Variants in RPS6KC1 observed in about 807,000 individuals in gnomAD.
The protein encoded by RPS6KC1 is ribosomal protein S6 kinase C1, also known as inactive ribosomal protein S6 kinase delta-1.
RPS6KC1 carries 54 observed loss-of-function variants against 103.8 expected under a neutral mutation model. The observed-to-expected ratio is 0.52, with a 90% confidence interval of 0.42 to 0.65. RPS6KC1 has a LOEUF of 0.65. Among genes scored for constraint, RPS6KC1 ranks in the 30% least tolerant of loss-of-function variants. The pLI is 0.00. For synonymous variants in RPS6KC1, 439 were observed against 438.7 expected (o/e 1.00, Z -0.01); for missense variants, 1,151 against 1,253.8 (o/e 0.92, Z 1.24).
the RPS6KC1 span, among the ~76,000 whole-genome samples, chr1:213,611,828 T>C: frequency 6.6e-6 from 1 of 152,104 alleles, no homozygotes; most frequent in Non-Finnish European, 1.5e-5. Flanking sequence ...ACTGAAATGG[T>C]GAAATGTTAT....
chr1:213,837,487 C>T, the RPS6KC1 span, among the ~76,000 whole-genome samples: 1 of 152,194 alleles, frequency 6.6e-6, no homozygotes, highest in Admixed American at 6.5e-5. Flanking sequence ...CAGAAGTCCC[C>T]ACTCATTCAT....
At chr1:213,539,938 TAAAA>T in the RPS6KC1 span, among the ~76,000 whole-genome samples, 1 of 152,156 alleles carries the variant, frequency 6.6e-6, no homozygotes, top group African/African-American at 2.4e-5. Context: ...ATATTTTGTC[TAAAA>T]AAAGATGTAC....
the RPS6KC1 span, among the ~76,000 whole-genome samples, chr1:213,307,694 A>G: frequency 6.6e-5 from 10 of 152,268 alleles, no homozygotes; most frequent in South Asian, 4.1e-4. Context: ...TGATACAAAG[A>G]TCAGCGGGGT....
At chr1:213,754,508 T>G in the RPS6KC1 span, among the ~76,000 whole-genome samples, 2 of 152,172 alleles carry the variant, frequency 1.3e-5, no homozygotes, top group Non-Finnish European at 1.5e-5. Context: ...TGTGTTCTTT[T>G]GATAGTGAGT....
intron 6 of RPS6KC1, among the ~76,000 whole-genome samples, chr1:213,154,115 A>G (rs950951094): frequency 6.6e-6 from 1 of 150,814 alleles, no homozygotes; most frequent in Non-Finnish European, 1.5e-5. Flanking sequence ...AACATATAAA[A>G]TCTCTCTCTC....
At chr1:213,760,278 G>C in the RPS6KC1 span, among the ~76,000 whole-genome samples, 1 of 152,028 alleles carries the variant, frequency 6.6e-6, no homozygotes, top group Non-Finnish European at 1.5e-5. Context: ...ACCCACAGCC[G>C]CTGCTTCATT....
the RPS6KC1 span, among the ~76,000 whole-genome samples, chr1:213,511,882 C>T: frequency 6.6e-6 from 1 of 152,138 alleles, no homozygotes; most frequent in Non-Finnish European, 1.5e-5. Context: ...ATCATTTACT[C>T]GTTTTTATGT....
intron 7 of RPS6KC1, among the ~76,000 whole-genome samples, chr1:213,172,738 A>G (rs2091571583): frequency 6.6e-6 from 1 of 152,170 alleles, no homozygotes; most frequent in Non-Finnish European, 1.5e-5. Context: ...TGACCAGTTG[A>G]GTGATATGTA....
At position 213,242,617 on chromosome 1, in the gene RPS6KC1, C is replaced by G; in HGVS notation, c.2870C>G (p.Ser957Cys). The part of the protein sequence containing the change: ...YFSRWSEVED[S>C]CDSDAIERMY... ...AGCAGGTGGAGTGAGGTTGAAGATT[C>G]CTGTGACAGCGATGCCATAGAGAGA... The change falls in exon 12 of 15, where the codon TCC becomes TGC. Residue 957 changes from serine to cysteine, a missense_variant. Transcript: ENST00000366960. 1.3e-6 allele frequency: 2 copies of G among 1,588,576 alleles called. No homozygotes were observed. Among genetic ancestry groups the G allele is most frequent in the Non-Finnish European group, 1.7e-6 (2 of 1,164,632 alleles).
At chr1:213,568,233 G>A in the RPS6KC1 span, among the ~76,000 whole-genome samples, 2 of 152,170 alleles carry the variant, frequency 1.3e-5, no homozygotes, top group South Asian at 2.1e-4. Context: ...GTATTTCCTG[G>A]GACATGGGAC....
intron 6 of RPS6KC1, among the ~76,000 whole-genome samples, chr1:213,151,548 T>C (rs372154423): frequency 0.57 from 18,390 of 32,510 alleles, 6,410 homozygotes; most frequent in African/African-American, 0.74. Flanking sequence ...TAGGGGCGGC[T>C]GGGCAGAGGC....
the RPS6KC1 span, among the ~76,000 whole-genome samples, chr1:213,857,625 C>A: frequency 6.6e-6 from 1 of 152,182 alleles, no homozygotes; most frequent in East Asian, 1.9e-4. Context: ...TTCAAACCAA[C>A]CAGGGAATTA....
the RPS6KC1 span, among the ~76,000 whole-genome samples, chr1:213,654,372 T>G: frequency 6.6e-6 from 1 of 152,142 alleles, no homozygotes; most frequent in African/African-American, 2.4e-5. Flanking sequence ...AAAGGGGAAA[T>G]GTAGGTCAGA....
chr1:213,340,460 G>A, the RPS6KC1 span, among the ~76,000 whole-genome samples: 1 of 152,088 alleles, frequency 6.6e-6, no homozygotes, highest in Non-Finnish European at 1.5e-5. Context: ...ACATTAATTA[G>A]GCAAGTCTTG....
At chr1:213,072,804 A>G (rs2079002288) in intron 2 of RPS6KC1, 1 of 210,996 alleles carries the variant, frequency 4.7e-6, no homozygotes, top group Non-Finnish European at 8.2e-6. Flanking sequence ...AAATGGGTGT[A>G]TTTCCTTTGA....
At chr1:213,618,253 A>C in the RPS6KC1 span, among the ~76,000 whole-genome samples, 6 of 152,256 alleles carry the variant, frequency 3.9e-5, no homozygotes, top group Admixed American at 3.9e-4. Flanking sequence ...TTTAGTTAGC[A>C]GCATGAATAA....
chr1:213,303,589 G>A, the RPS6KC1 span, among the ~76,000 whole-genome samples: 5 of 152,084 alleles, frequency 3.3e-5, no homozygotes, highest in Non-Finnish European at 7.4e-5. Flanking sequence ...TACCCTGGCT[G>A]TGTTTCTCCT....
At chr1:213,151,989 C>T (rs1352360602) in intron 6 of RPS6KC1, among the ~76,000 whole-genome samples, 2 of 128,962 alleles carry the variant, frequency 1.6e-5, no homozygotes, top group African/African-American at 6.2e-5. Flanking sequence ...TCCTCACTTC[C>T]CAGTAGGGGT....
In RPS6KC1 at chr1:213,273,561, C is replaced by T. The variant is rs1212790035; in HGVS notation, c.*927C>T. The T allele has an allele frequency of 6.6e-6, 1 of 152,480 alleles. No homozygotes were observed. Among genetic ancestry groups the T allele is most frequent in the African/African-American group, 2.4e-5 (1 of 41,400 alleles). 9.4% of individuals were successfully genotyped at this position (152,480 alleles called of 1,614,324 possible). On this transcript the variant is annotated 3_prime_UTR_variant, in exon 15 of 15. Coordinates refer to ENST00000366960, the MANE Select transcript of RPS6KC1 (RefSeq NM_012424.6). ...GAAATATTATCAGTTTCTACCATTGCTTCTCATGCTTGACTTTGTTTTACT... is the reference window on the plus strand; with the variant it reads ...GAAATATTATCAGTTTCTACCATTGTTTCTCATGCTTGACTTTGTTTTACT...
Sources: gnomAD v4.1 joint callset for allele counts (sites outside exome capture counted in the v4.1 genomes callset) on GRCh38, gnomAD v4.1.1 for gene constraint, MANE v1.5 for transcripts, NCBI Gene and HGNC (gene_info 2026-07-23, HGNC 2026-07-21) for gene names.